Variants in CD81 observed in about 807,000 individuals in gnomAD.
The protein encoded by CD81 is CD81 molecule.
In CD81, 10 loss-of-function variants were observed where a neutral mutation model predicts 30.1. The observed-to-expected ratio is 0.33, with a 90% CI of 0.21 to 0.56. The LOEUF (loss-of-function observed/expected upper bound fraction) is 0.56, where lower values mean the gene tolerates loss of function less well. CD81 is among the 20% of genes least tolerant of loss of function. The probability of loss-of-function intolerance (pLI) is 0.89; values close to 1 mark genes in which losing one functional copy is unlikely to be tolerated. For missense variants in CD81, 263 were observed against 308.7 expected (o/e 0.85, Z 1.11); for synonymous variants, 147 against 126.4 (o/e 1.16, Z -1.10).
At chr11:2,395,543 C>A in intron 5 of CD81, 23 bp downstream of exon 5, 1 of 1,587,814 alleles carries the variant, frequency 6.3e-7, no homozygotes, top group Non-Finnish European at 8.6e-7. Context: ...GGGGCGAGGG[C>A]GGGGAGCAGG....
intron 1 of CD81, chr11:2,385,874 A>G: frequency 1.5e-6 from 1 of 648,082 alleles, no homozygotes; most frequent in East Asian, 2.8e-5. Context: ...ATTTGTGTAC[A>G]AGTCTTGTGT....
At chr11:2,395,322 G>A (rs1849976187) in intron 4 of CD81, 94 bp from the exon 5 acceptor site, 3 of 1,003,878 alleles carry the variant, frequency 3.0e-6, no homozygotes, top group African/African-American at 1.6e-5. Flanking sequence ...TGCCCAGGGA[G>A]AGCCTGGGAA....
chr11:2,389,611 A>G (rs567129397), intron 1 of CD81, among the ~76,000 whole-genome samples: 2 of 151,726 alleles, frequency 1.3e-5, no homozygotes, highest in Non-Finnish European at 2.9e-5. Flanking sequence ...CACCTGCCAG[A>G]CTCCCAGCAC....
intron 1 of CD81, chr11:2,385,708 C>T (rs905971715): frequency 2.2e-5 from 8 of 362,116 alleles, no homozygotes; most frequent in Middle Eastern, 3.7e-4. Context: ...TCTGTGCACC[C>T]GTGCTGTGGT....
intron 1 of CD81, among the ~76,000 whole-genome samples, chr11:2,385,480 G>A (rs1040152992): frequency 2.1e-5 from 3 of 143,006 alleles, no homozygotes; most frequent in African/African-American, 9.0e-5. Flanking sequence ...ATTACCCAGA[G>A]GCGCACCCGT....
chr11:2,395,891 CACTG>C lies in CD81; in HGVS notation c.487_490del (p.Thr163LeufsTer2). 1 of 1,612,012 alleles carries C rather than the reference CACTG, an allele frequency of 6.2e-7. No individual in the cohort carries two copies. Among genetic ancestry groups the C allele is most frequent in the Non-Finnish European group, 8.5e-7 (1 of 1,179,348 alleles). On this transcript the variant is annotated frameshift_variant, in exon 6 of 8. Coordinates refer to ENST00000263645, the MANE Select transcript of CD81 (RefSeq NM_004356.4). LOFTEE classifies it high-confidence loss of function. ...CAGCTTGACTGCTGTGGCTCCAGCA[CACTG>C]ACTGCTTTGACCACCTCAGTGCTCA...
At position 2,397,207 on chromosome 11, in the gene CD81, G is replaced by C. The variant is rs568706017; in HGVS notation, c.*341G>C. 7.1e-6 allele frequency: 3 copies of C among 420,606 alleles called. No homozygotes were observed. The highest frequency in any genetic ancestry group is 6.1e-5 in the African/African-American group (3 of 49,214). The allele number at this position is 420,606 out of a possible 1,614,324, so 26.1% of individuals were successfully genotyped here. A position where few individuals can be genotyped will look rare whatever the true frequency, so the allele number is the denominator to read the frequency against. On this transcript the variant is annotated 3_prime_UTR_variant, in exon 8 of 8. Coordinates refer to ENST00000263645, the MANE Select transcript of CD81 (RefSeq NM_004356.4). Reference sequence around the variant, plus strand: ...AGACTCAGCTTGGCCAACTTGGGGGGCTGTGTCCACCCAGCCCGCCCGTCC... The same window carrying C: ...AGACTCAGCTTGGCCAACTTGGGGGCCTGTGTCCACCCAGCCCGCCCGTCC...
chr11:2,390,848 A>G (rs1185640400), intron 2 of CD81, among the ~76,000 whole-genome samples: 12 of 151,834 alleles, frequency 7.9e-5, no homozygotes, highest in African/African-American at 1.2e-4. Context: ...CCTGGGCCAC[A>G]CAGAGCAGCC....
In CD81 at chr11:2,395,982, C is replaced by G. The variant is rs549922520; in HGVS notation, c.561+12C>G. Reference sequence around the variant, plus strand: ...GCAACCTCTTCAAGGTGCGCGAGGCCGGTGGGGCCGCGCCTGACCCCCCGC... The same window carrying G: ...GCAACCTCTTCAAGGTGCGCGAGGCGGGTGGGGCCGCGCCTGACCCCCCGC... On this transcript the variant is annotated intron_variant, in intron 6 of 7. Transcript: ENST00000263645. The G allele has an allele frequency of 3.8e-6, 6 of 1,575,996 alleles. No homozygotes were observed. The South Asian group carries it at 6.6e-5, about 17-fold the overall frequency.
At chr11:2,380,780 A>T (rs1425411348) in intron 1 of CD81, among the ~76,000 whole-genome samples, 1 of 152,272 alleles carries the variant, frequency 6.6e-6, no homozygotes, top group East Asian at 1.9e-4. Flanking sequence ...TAATGGATAT[A>T]AGAGTCTTCT....
intron 1 of CD81, among the ~76,000 whole-genome samples, chr11:2,385,225 C>T (rs1256937179): frequency 6.6e-6 from 1 of 152,146 alleles, no homozygotes; most frequent in Non-Finnish European, 1.5e-5. Flanking sequence ...GTGATTGACA[C>T]ACAGTAAATA....
chr11:2,386,846 G>A (rs1849807783), intron 1 of CD81, among the ~76,000 whole-genome samples: 1 of 152,148 alleles, frequency 6.6e-6, no homozygotes, highest in Non-Finnish European at 1.5e-5. Flanking sequence ...TCCTGGTGTT[G>A]GCCCAGGCTC....
At chr11:2,385,758 C>T in intron 1 of CD81, 2 of 538,822 alleles carry the variant, frequency 3.7e-6, no homozygotes, top group South Asian at 1.6e-5. Context: ...GGCAGGGTTG[C>T]ACCCACATGT....
intron 3 of CD81, among the ~76,000 whole-genome samples, chr11:2,394,443 AGCTCTGAGGCCAGCCTCG>A (rs1383546342): frequency 6.6e-6 from 1 of 152,234 alleles, no homozygotes; most frequent in East Asian, 1.9e-4. Flanking sequence ...AGCAAGCCTC[AGCTCTGAGGCCAGCCTCG>A]GCGTCCCGGG....
intron 2 of CD81, chr11:2,393,219 G>A (rs982284529): frequency 2.0e-5 from 3 of 152,396 alleles, no homozygotes; most frequent in South Asian, 2.1e-4. Context: ...TGCCTGCTGA[G>A]GGATAGGGGA....
At chr11:2,393,768 G>T in intron 2 of CD81, 1 of 608,784 alleles carries the variant, frequency 1.6e-6, no homozygotes, top group Non-Finnish European at 3.0e-6. Flanking sequence ...GCAGGCGGTG[G>T]GTGGTGGGTG....
chr11:2,385,790 GGTTCACCC>G, intron 1 of CD81: 1 of 610,104 alleles, frequency 1.6e-6, no homozygotes, highest in Non-Finnish European at 3.1e-6. Flanking sequence ...ACGGACCCCA[GGTTCACCC>G]GTTCACCGGT....
At chr11:2,384,430 C>T (rs1319044971) in intron 1 of CD81, among the ~76,000 whole-genome samples, 2 of 32,478 alleles carry the variant, frequency 6.2e-5, no homozygotes, top group Non-Finnish European at 1.1e-4. Flanking sequence ...TGGGGCATCT[C>T]GGGAGGCGGG....
intron 1 of CD81, among the ~76,000 whole-genome samples, chr11:2,381,056 G>A (rs901026804): frequency 6.6e-6 from 1 of 152,240 alleles, no homozygotes; most frequent in Non-Finnish European, 1.5e-5. Flanking sequence ...CCTGGCAGGC[G>A]CTGTGGGGGA....
Sources: gnomAD v4.1 joint callset for allele counts (sites outside exome capture counted in the v4.1 genomes callset) on GRCh38, gnomAD v4.1.1 for gene constraint, MANE v1.5 for transcripts, NCBI Gene and HGNC (gene_info 2026-07-23, HGNC 2026-07-21) for gene names.